The following DMD variants were observed in gnomAD, a reference collection of about 807,000 sequenced individuals.
The protein encoded by DMD is mutant dystrophin.
Under a neutral mutation model 330.1 loss-of-function variants are expected in DMD, and 63 were observed. The observed-to-expected ratio is 0.19, with a 90% CI of 0.16 to 0.24. DMD has a LOEUF of 0.24. DMD is among the 10% of genes least tolerant of loss of function. The pLI, the probability that DMD is intolerant of heterozygous loss-of-function variation, is 1.00. For missense variants in DMD, 3,344 were observed against 2,684.1 expected (o/e 1.25, Z -5.43); for synonymous variants, 1,223 against 959.8 (o/e 1.27, Z -5.07).
intron 12 of DMD, among the ~76,000 whole-genome samples, chrX:32,596,639 G>A (rs899660256): frequency 5.2e-4 from 57 of 109,959 alleles, no homozygotes; most frequent in African/African-American, 1.9e-3. Context: ...TCCACCTACC[G>A]GGTTCAAGGG....
At chrX:31,514,741 A>T (rs2072013026) in intron 55 of DMD, among the ~76,000 whole-genome samples, 1 of 112,544 alleles carries the variant, frequency 8.9e-6, no homozygotes, top group Non-Finnish European at 1.9e-5. Flanking sequence ...GATGTTAGAA[A>T]TAGATTTCAT....
intron 74 of DMD, among the ~76,000 whole-genome samples, chrX:31,155,513 T>G (rs2038007699): frequency 8.9e-6 from 1 of 112,307 alleles, no homozygotes; most frequent in African/African-American, 3.2e-5. Context: ...CCTCATATAA[T>G]ATTAAAAGCA....
At chrX:32,336,943 C>T (rs1023151826) in intron 41 of DMD, among the ~76,000 whole-genome samples, 9 of 111,143 alleles carry the variant, frequency 8.1e-5, no homozygotes, top group Non-Finnish European at 1.7e-4. Flanking sequence ...CATCATATAG[C>T]GGATCACAGG....
chrX:32,085,654 G>GTA lies in DMD; in HGVS notation c.6439-117142_6439-117141dup, dbSNP rs375556125. Among the ~76,000 whole-genome samples, 229 of 75,744 alleles carry GTA rather than the reference G, an allele frequency of 3.0e-3. 4 individuals carry two copies. The highest frequency in any genetic ancestry group is 0.01 in the African/African-American group (208 of 20,549). The allele number at this position is 75,744 out of a possible 115,157, so 65.8% of individuals were successfully genotyped here. A position where few individuals can be genotyped will look rare whatever the true frequency, so the allele number is the denominator to read the frequency against. On this transcript the variant is annotated intron_variant, in intron 44 of 78. Transcript: ENST00000357033. ...CACATATATACGTATATATATGTGT[G>GTA]TATATATACGTATATATACACACGC...
At chrX:32,371,438 T>G (rs1357228376) in intron 34 of DMD, among the ~76,000 whole-genome samples, 1 of 110,742 alleles carries the variant, frequency 9.0e-6, no homozygotes, top group Non-Finnish European at 1.9e-5. Context: ...AATTTTTTTT[T>G]TCCAGAAAAT....
At chrX:31,440,704 T>C (rs756691667) in intron 60 of DMD, among the ~76,000 whole-genome samples, 1 of 112,268 alleles carries the variant, frequency 8.9e-6, no homozygotes, top group African/African-American at 3.2e-5. Context: ...GAGGACTTTT[T>C]CTAACTGCAA....
chrX:31,874,231 A>T (rs145119614), intron 48 of DMD, among the ~76,000 whole-genome samples: 1,292 of 111,612 alleles, frequency 0.012, 17 homozygotes, highest in African/African-American at 0.04. Flanking sequence ...CATTTAAAGA[A>T]GAGAGAAAAC....
chrX:31,130,285 T>C (rs1451342586), intron 77 of DMD, among the ~76,000 whole-genome samples: 2 of 112,283 alleles, frequency 1.8e-5, no homozygotes, highest in Non-Finnish European at 3.8e-5. Flanking sequence ...GTTTGTTTAT[T>C]GTACCCATGT....
chrX:33,031,631 C>T (rs976602401), intron 1 of DMD, among the ~76,000 whole-genome samples: 3 of 110,673 alleles, frequency 2.7e-5, no homozygotes, highest in African/African-American at 9.9e-5. Flanking sequence ...ATTAGCCGGG[C>T]GTGGTGGCGG....
chrX:33,122,665 C>A (rs1280348641), intron 1 of DMD, among the ~76,000 whole-genome samples: 1 of 112,063 alleles, frequency 8.9e-6, no homozygotes, highest in East Asian at 2.8e-4. Flanking sequence ...AAGAACTTTC[C>A]CACAGGTTCA....
intron 55 of DMD, among the ~76,000 whole-genome samples, chrX:31,511,198 T>C (rs1225883816): frequency 9.6e-6 from 1 of 104,018 alleles, no homozygotes; most frequent in Non-Finnish European, 1.9e-5. Context: ...GAGTCATAGA[T>C]TGGGAATGCA....
At chrX:32,689,397 A>G (rs1264389212) in intron 9 of DMD, among the ~76,000 whole-genome samples, 2 of 111,366 alleles carry the variant, frequency 1.8e-5, no homozygotes, top group East Asian at 5.6e-4. Context: ...AGATCAATAC[A>G]AGTAAGGGAT....
chrX:31,200,142 A>C (rs1213362336), intron 67 of DMD, among the ~76,000 whole-genome samples: 1 of 112,221 alleles, frequency 8.9e-6, no homozygotes. Context: ...ATACATATGG[A>C]ATTTACTAGC....
chrX:32,010,484 G>A (rs2095698741), intron 44 of DMD, among the ~76,000 whole-genome samples: 1 of 111,387 alleles, frequency 9.0e-6, no homozygotes, highest in African/African-American at 3.3e-5. Flanking sequence ...CACTGTTCCA[G>A]GTCCTCATTA....
At chrX:32,538,135 C>T (rs1435732) in intron 17 of DMD, among the ~76,000 whole-genome samples, 52,201 of 110,726 alleles carry the variant, frequency 0.47, 9,084 homozygotes, top group East Asian at 0.59. Flanking sequence ...CATCCCTTAA[C>T]CTGCCCAGGA....
At chrX:31,881,869 A>G (rs1330515464) in intron 47 of DMD, among the ~76,000 whole-genome samples, 1 of 112,218 alleles carries the variant, frequency 8.9e-6, no homozygotes, top group African/African-American at 3.2e-5. Context: ...GAAATGCATG[A>G]CTATATATGT....
intron 62 of DMD, among the ~76,000 whole-genome samples, chrX:31,281,853 G>T (rs1418971997): frequency 1.8e-5 from 2 of 112,018 alleles, no homozygotes; most frequent in East Asian, 5.6e-4. Flanking sequence ...TCAGATTTGT[G>T]TCATTTTAAA....
chrX:32,875,020 G>A (rs745864574), intron 2 of DMD, among the ~76,000 whole-genome samples: 4 of 111,921 alleles, frequency 3.6e-5, no homozygotes, highest in Non-Finnish European at 3.8e-5. Flanking sequence ...AGCTGAACAC[G>A]GCTGAATTCC....
intron 71 of DMD, among the ~76,000 whole-genome samples, chrX:31,177,526 A>G (rs1307224634): frequency 8.9e-6 from 1 of 111,946 alleles, no homozygotes; most frequent in Non-Finnish European, 1.9e-5. Flanking sequence ...GATTCTAAAA[A>G]GCATCGAATC....
Sources: allele counts gnomAD v4.1 joint callset (sites outside exome capture counted in the v4.1 genomes callset), GRCh38; gene constraint gnomAD v4.1.1; transcripts MANE v1.5; gene names NCBI Gene and HGNC (gene_info 2026-07-23, HGNC 2026-07-21).